ZNF385D: variants seen among roughly 807,000 people sequenced by gnomAD.
ZNF385D encodes the protein zinc finger protein 385D, also known as zinc finger protein 659.
In ZNF385D, 15 loss-of-function variants were observed where a neutral mutation model predicts 35.8. That is an observed-to-expected ratio of 0.42 (90% CI 0.28 to 0.64). The LOEUF is 0.64. ZNF385D is among the 30% of genes least tolerant of loss of function. The probability of loss-of-function intolerance (pLI) is 0.23; values close to 1 mark genes in which losing one functional copy is unlikely to be tolerated. For missense variants in ZNF385D, 474 were observed against 494.6 expected (o/e 0.96, Z 0.39); for synonymous variants, 212 against 186.8 (o/e 1.13, Z -1.10).
At chr3:22,236,433 G>A (rs1699188450) in intron 2 of ZNF385D, among the ~76,000 whole-genome samples, 1 of 152,132 alleles carries the variant, frequency 6.6e-6, no homozygotes, top group South Asian at 2.1e-4. Flanking sequence ...CTGGCTTCAA[G>A]TGATCCTCCC....
At chr3:22,017,038 ACT>A (rs1696931759) in intron 3 of ZNF385D, among the ~76,000 whole-genome samples, 5 of 151,910 alleles carry the variant, frequency 3.3e-5, no homozygotes, top group Admixed American at 2.0e-4. Flanking sequence ...TGCAGTAGTC[ACT>A]CTTTAAATTT....
chr3:21,421,561 G>A (rs1421452274), intron 7 of ZNF385D, 114 bp from the exon 8 acceptor site: 5 of 678,150 alleles, frequency 7.4e-6, no homozygotes, highest in Middle Eastern at 8.2e-4. Context: ...AAAGAAAAAA[G>A]CTTCACACTT....
At position 21,412,681 on chromosome 3, in the gene ZNF385D, A is replaced by G. The variant is rs1031905382; in HGVS notation, c.*8533T>C. The G allele has an allele frequency of 6.6e-6, 1 of 151,470 alleles. No individual in the cohort carries two copies. The highest frequency in any genetic ancestry group is 1.5e-5 in the Non-Finnish European group (1 of 67,874). 9.4% of individuals were successfully genotyped at this position (151,470 alleles called of 1,614,324 possible). On this transcript the variant is annotated 3_prime_UTR_variant, in exon 8 of 8. Transcript: ENST00000281523. ...AGGATGTTCCTAGAGCTGCTGAAGGAACCAGAGAGCTTTCATCCATAAAAA... is the reference window on the plus strand; with the variant it reads ...AGGATGTTCCTAGAGCTGCTGAAGGGACCAGAGAGCTTTCATCCATAAAAA...
Position 21,750,894 on chromosome 3 carries a change from C to T in ZNF385D, c.22+1G>A, listed in dbSNP as rs1342319726. 6.2e-7 allele frequency: 1 copy of T among 1,614,054 alleles called. No individual in the cohort carries two copies. Among genetic ancestry groups the T allele is most frequent in the African/African-American group, 1.3e-5 (1 of 74,922 alleles). ...ATTACATCATCAGAGTGAACACTCA[C>T]CAAAATACATTATGTTTCTCATTAA... On this transcript the variant is annotated splice_donor_variant, in intron 1 of 7. Transcript: ENST00000281523. LOFTEE classifies it high-confidence loss of function.
chr3:21,645,988 G>A (rs1166954614), intron 2 of ZNF385D, among the ~76,000 whole-genome samples: 1 of 152,114 alleles, frequency 6.6e-6, no homozygotes, highest in East Asian at 1.9e-4. Context: ...TCCAAGAATG[G>A]AGTTTAAATG....
intron 3 of ZNF385D, among the ~76,000 whole-genome samples, chr3:21,802,786 C>A (rs1272008854): frequency 6.6e-6 from 1 of 152,122 alleles, no homozygotes; most frequent in Non-Finnish European, 1.5e-5. Flanking sequence ...TACCTGTCCA[C>A]CTGTCTGCCT....
rs570015454 is a variant in ZNF385D at position 22,313,109 on chromosome 3, T to C, written c.106+59341A>G. On this transcript the variant is annotated intron_variant, in intron 2 of 5. Coordinates refer to the ZNF385D transcript ENST00000494108. ...TTCATGTCCTTTGTAGGGACATGGA[T>C]GAAACTGGAAACCATCATTCTCAGC... is the stretch of plus-strand genomic sequence containing the variant. Among the ~76,000 whole-genome samples the C allele has an allele frequency of 2.4e-3, 371 of 152,114 alleles. 5 individuals are homozygous for C. The highest frequency in any genetic ancestry group is 8.4e-3 in the African/African-American group (347 of 41,492).
At position 22,336,037 on chromosome 3, in the gene ZNF385D, G is replaced by A. The variant is rs367750884; in HGVS notation, c.106+36413C>T. Among the ~76,000 whole-genome samples, 20 of 151,682 alleles carry A rather than the reference G, an allele frequency of 1.3e-4. 1 individual carries two copies. In the South Asian group the frequency reaches 3.1e-3, roughly 24 times the overall value. On this transcript the variant is annotated intron_variant, in intron 2 of 5. Transcript: ENST00000494108. ...AATTCAATTCTATTCAAAAACTAGC[G>A]CTGATGATACAGATTAAATATACTA...
chr3:22,101,040 T>C (rs1198979163), intron 3 of ZNF385D, among the ~76,000 whole-genome samples: 2 of 152,016 alleles, frequency 1.3e-5, no homozygotes, highest in African/African-American at 4.8e-5. Context: ...TTCAATAATA[T>C]GGCTTCTGAG....
intron 4 of ZNF385D, among the ~76,000 whole-genome samples, chr3:21,456,451 C>A (rs9819691): frequency 0.12 from 18,639 of 152,082 alleles, 2,392 homozygotes; most frequent in African/African-American, 0.33. Context: ...ATGGATGAAG[C>A]TGGAAACCAT....
chr3:21,567,017 T>C (rs1283319397), intron 2 of ZNF385D, among the ~76,000 whole-genome samples: 1 of 152,242 alleles, frequency 6.6e-6, no homozygotes, highest in Non-Finnish European at 1.5e-5. Context: ...TGTTGTTACA[T>C]GCATCAGCAG....
chr3:21,805,635 C>T (rs1388750974), intron 3 of ZNF385D, among the ~76,000 whole-genome samples: 2 of 152,190 alleles, frequency 1.3e-5, no homozygotes, highest in Non-Finnish European at 2.9e-5. Context: ...GCAGAGCAGT[C>T]TTTGATCATC....
At chr3:21,495,288 C>A (rs1237868252) in intron 4 of ZNF385D, among the ~76,000 whole-genome samples, 1 of 151,246 alleles carries the variant, frequency 6.6e-6, no homozygotes, top group Non-Finnish European at 1.5e-5. Context: ...GCATTGTTTT[C>A]TTTCTAGCTT....
At chr3:22,223,869 GTTTA>G (rs1257040490) in intron 2 of ZNF385D, among the ~76,000 whole-genome samples, 1 of 152,020 alleles carries the variant, frequency 6.6e-6, no homozygotes, top group Non-Finnish European at 1.5e-5. Context: ...ATTCTGATTG[GTTTA>G]TTTATTTTTT....
At chr3:21,432,794 A>G (rs1487950999) in intron 5 of ZNF385D, among the ~76,000 whole-genome samples, 2 of 152,042 alleles carry the variant, frequency 1.3e-5, no homozygotes, top group Non-Finnish European at 2.9e-5. Flanking sequence ...CCAAATTAAA[A>G]AAAAAAAAAT....
At chr3:22,124,553 GATTCCT>G (rs1703316441) in intron 3 of ZNF385D, among the ~76,000 whole-genome samples, 1 of 152,056 alleles carries the variant, frequency 6.6e-6, no homozygotes. Context: ...AGTGTATGAG[GATTCCT>G]GTCTCCACAT....
At chr3:22,088,028 C>G (rs186282940) in intron 3 of ZNF385D, among the ~76,000 whole-genome samples, 2 of 152,246 alleles carry the variant, frequency 1.3e-5, no homozygotes, top group Admixed American at 6.5e-5. Context: ...TGTTGACACT[C>G]AAAATCGGAT....
chr3:21,504,586 G>A (rs1388967948), intron 4 of ZNF385D, among the ~76,000 whole-genome samples: 1 of 152,134 alleles, frequency 6.6e-6, no homozygotes, highest in Non-Finnish European at 1.5e-5. Flanking sequence ...CTCTAGCAAT[G>A]AGAGAAGGTA....
intron 3 of ZNF385D, among the ~76,000 whole-genome samples, chr3:22,116,697 A>T (rs1052178216): frequency 2.0e-5 from 3 of 152,074 alleles, no homozygotes; most frequent in African/African-American, 7.2e-5. Flanking sequence ...ATAAAACCAA[A>T]ATTTGTCAGT....
Sources: gnomAD v4.1 joint callset for allele counts (sites outside exome capture counted in the v4.1 genomes callset) on GRCh38, gnomAD v4.1.1 for gene constraint, MANE v1.5 for transcripts, NCBI Gene and HGNC (gene_info 2026-07-23, HGNC 2026-07-21) for gene names.